The following CKMT2 variants were observed in gnomAD, a reference collection of about 807,000 sequenced individuals.
CKMT2 encodes creatine kinase S-type, mitochondrial.
In CKMT2, 43 loss-of-function variants were observed where a neutral mutation model predicts 48.9. That is an observed-to-expected ratio of 0.88 (90% CI 0.69 to 1.13). The LOEUF (loss-of-function observed/expected upper bound fraction) is 1.13. Ranked by LOEUF, CKMT2 falls within the 50% of genes most tolerant of loss-of-function variation. CKMT2 has a pLI of 0.00. For missense variants in CKMT2, 472 were observed against 555.4 expected (o/e 0.85, Z 1.51); for synonymous variants, 206 against 213.0 (o/e 0.97, Z 0.29).
chr5:81,257,658 A>C, intron 6 of CKMT2, 75 bp from the exon 7 acceptor site: 1 of 1,356,990 alleles, frequency 7.4e-7, no homozygotes, highest in Non-Finnish European at 1.0e-6. Flanking sequence ...CAATCAAGCT[A>C]GGGAGGTAAT....
At chr5:81,260,171 T>C (rs1193682295) in intron 8 of CKMT2, among the ~76,000 whole-genome samples, 2 of 152,120 alleles carry the variant, frequency 1.3e-5, no homozygotes, top group African/African-American at 2.4e-5. Flanking sequence ...TTGAAACCAA[T>C]GAGAACAAAG....
intron 1 of CKMT2, among the ~76,000 whole-genome samples, 155 bp from the exon 2 acceptor site, chr5:81,250,940 AACACACACACACACACAC>A (rs142418532): frequency 3.8e-5 from 5 of 132,998 alleles, no homozygotes; most frequent in Non-Finnish European, 7.9e-5. Flanking sequence ...AGAAATAGAA[AACACACACACACACACAC>A]ACACACACAC....
chr5:81,262,515 G>A (rs1294530647), intron 8 of CKMT2, among the ~76,000 whole-genome samples: 8 of 152,062 alleles, frequency 5.3e-5, no homozygotes, highest in Non-Finnish European at 1.2e-4. Flanking sequence ...CAAAAAGTGG[G>A]CAAAGGATAT....
intron 5 of CKMT2, among the ~76,000 whole-genome samples, chr5:81,255,422 T>G (rs4704716): frequency 0.051 from 7,835 of 152,298 alleles, 294 homozygotes; most frequent in East Asian, 0.18. Flanking sequence ...CACTGAAACA[T>G]TCTATGCATA....
At chr5:81,257,375 C>T (rs1757050665) in intron 6 of CKMT2, among the ~76,000 whole-genome samples, 1 of 151,994 alleles carries the variant, frequency 6.6e-6, no homozygotes, top group South Asian at 2.1e-4. Flanking sequence ...CCCCCACCCG[C>T]TTTTTAGAGC....
chr5:81,260,260 G>A (rs183842458), intron 8 of CKMT2, among the ~76,000 whole-genome samples: 8 of 152,260 alleles, frequency 5.3e-5, no homozygotes, highest in Admixed American at 3.3e-4. Context: ...GCCCACAGGA[G>A]AAAGCAGGAA....
chr5:81,253,721 A>C (rs1000351430), intron 3 of CKMT2, among the ~76,000 whole-genome samples: 1 of 152,204 alleles, frequency 6.6e-6, no homozygotes, highest in Non-Finnish European at 1.5e-5. Flanking sequence ...CTCTAGACTC[A>C]AAGTCCTCCC....
chr5:81,259,562 G>C (rs1757138010), intron 8 of CKMT2, among the ~76,000 whole-genome samples: 1 of 152,118 alleles, frequency 6.6e-6, no homozygotes, highest in Non-Finnish European at 1.5e-5. Context: ...ATCTCTCCTA[G>C]TTCAAGCAGT....
rs142166244 is a variant in CKMT2, at chr5:81,252,105, C to T, written c.153-590C>T. On this transcript the variant is annotated intron_variant, in intron 2 of 9. Coordinates refer to ENST00000254035, the MANE Select transcript of CKMT2 (RefSeq NM_001099735.2). ...GCAGATGGAAAGTGGAGGAGTGGCA[C>T]GAGAGGGATGAAAATAGATGTGTTT... 7 of 158,758 alleles carry T rather than the reference C, an allele frequency of 4.4e-5. No homozygotes were observed. In the East Asian group the frequency reaches 5.7e-4, roughly 13 times the overall value. 9.8% of individuals were successfully genotyped at this position (158,758 alleles called of 1,614,324 possible). A position where few individuals can be genotyped will look rare whatever the true frequency, so the allele number is the denominator to read the frequency against.
intron 7 of CKMT2, 66 bp from the exon 8 acceptor site, chr5:81,259,054 A>AGGGATGTGCTGAAT: frequency 6.7e-7 from 1 of 1,495,758 alleles, no homozygotes; most frequent in South Asian, 1.3e-5. Flanking sequence ...CTCTGGTGTT[A>AGGGATGTGCTGAAT]GGGATGTGCT....
intron 1 of CKMT2, among the ~76,000 whole-genome samples, chr5:81,248,793 T>TACAG (rs1756699628): frequency 6.6e-6 from 1 of 152,248 alleles, no homozygotes; most frequent in Non-Finnish European, 1.5e-5. Context: ...AGAAGAGGCT[T>TACAG]GATTTGTTAC....
At position 81,240,666 on chromosome 5, in the gene CKMT2, G is replaced by A. The variant is rs1043987919; in HGVS notation, c.-21+7289G>A. On this transcript the variant is annotated intron_variant, in intron 1 of 9. Transcript: ENST00000254035. ...AGTGCCTGGTGCAGAACAGACACTC[G>A]ATACATATGATTTCCCTTTAGCTGT... 2.6e-5 allele frequency among the ~76,000 whole-genome samples: 4 copies of A among 152,142 alleles called. No homozygotes were observed. The South Asian group carries it at 6.2e-4, about 24-fold the overall frequency.
Position 81,234,920 on chromosome 5 carries a change from G to A in CKMT2, c.-21+1543G>A, listed in dbSNP as rs951885380. Among the ~76,000 whole-genome samples the A allele has an allele frequency of 3.3e-5, 5 of 152,228 alleles. No homozygotes were observed. The East Asian group carries it at 7.7e-4, about 24-fold the overall frequency. On this transcript the variant is annotated intron_variant, in intron 1 of 9. Coordinates refer to ENST00000254035, the MANE Select transcript of CKMT2 (RefSeq NM_001099735.2). ...CGTAGAGTCTGTGTCAAGCATTCTG[G>A]GAGCTCCTGCCCACAGAGCCAGGAA...
chr5:81,259,312 T>C, intron 8 of CKMT2, 58 bp downstream of exon 8: 1 of 1,496,712 alleles, frequency 6.7e-7, no homozygotes, highest in Non-Finnish European at 9.0e-7. Flanking sequence ...TGCGACTGCT[T>C]TGTGGAGGAA....
intron 7 of CKMT2, 70 bp downstream of exon 7, chr5:81,257,926 A>T: frequency 2.0e-6 from 3 of 1,469,576 alleles, no homozygotes; most frequent in Non-Finnish European, 2.8e-6. Flanking sequence ...TCTTGAAAGA[A>T]GACACTATGG....
chr5:81,242,252 A>C, intron 1 of CKMT2: 1 of 250,132 alleles, frequency 4.0e-6, no homozygotes. Flanking sequence ...CCATGTCTGA[A>C]AGAAATGTGT....
At chr5:81,257,086 T>A in intron 6 of CKMT2, 86 bp downstream of exon 6, 4 of 1,071,702 alleles carry the variant, frequency 3.7e-6, no homozygotes, top group Non-Finnish European at 5.6e-6. Context: ...AGTTGCTGTG[T>A]ACTGCAGTTG....
intron 1 of CKMT2, chr5:81,237,434 G>C (rs1561274661): frequency 6.6e-6 from 1 of 152,186 alleles, no homozygotes; most frequent in Non-Finnish European, 1.5e-5. Context: ...CCTACACCTA[G>C]CGGGGCTTGG....
intron 1 of CKMT2, among the ~76,000 whole-genome samples, chr5:81,233,998 T>C (rs1446488427): frequency 1.4e-5 from 2 of 141,876 alleles, no homozygotes; most frequent in East Asian, 4.2e-4. Context: ...CCACCATCCT[T>C]ACCTTTCCCA....
Sources: gnomAD v4.1 joint callset for allele counts (sites outside exome capture counted in the v4.1 genomes callset) on GRCh38, gnomAD v4.1.1 for gene constraint, MANE v1.5 for transcripts, NCBI Gene and HGNC (gene_info 2026-07-23, HGNC 2026-07-21) for gene names.